Variants in G2E3 observed in about 807,000 individuals in gnomAD.
G2E3 encodes G2/M phase-specific E3 ubiquitin-protein ligase.
Under a neutral mutation model 92.8 loss-of-function variants are expected in G2E3, and 35 were observed. The ratio of observed to expected loss-of-function variants is 0.38; its 90% CI spans 0.29 to 0.50. G2E3 has a LOEUF of 0.50. Ranked by LOEUF, G2E3 falls within the 20% of genes least tolerant of loss-of-function variation. The pLI, the probability that G2E3 is intolerant of heterozygous loss-of-function variation, is 0.94. For missense variants in G2E3, 554 were observed against 823.8 expected, an observed-to-expected ratio of 0.67 and a Z score of 4.01; for synonymous variants, 242 against 272.4, an observed-to-expected ratio of 0.89 and a Z score of 1.10.
At chr14:30,616,054 A>G (rs1310085295) in intron 14 of G2E3, among the ~76,000 whole-genome samples, 1 of 152,176 alleles carries the variant, frequency 6.6e-6, no homozygotes, top group Non-Finnish European at 1.5e-5. Context: ...TACAATAAGT[A>G]GTTGTACTAA....
chr14:30,617,526 C>A lies in G2E3; in HGVS notation c.*992C>A, dbSNP rs1479653318. ...TGGCCATTTGACCATTATTTATTAT[C>A]AAGTTGGTTGTATGCTAAGGTAAGT... On this transcript the variant is annotated 3_prime_UTR_variant, in exon 15 of 15. Transcript: ENST00000206595. 1 of 151,838 alleles carries A rather than the reference C, an allele frequency of 6.6e-6. No homozygotes were observed. Among genetic ancestry groups the A allele is most frequent in the East Asian group, 1.9e-4 (1 of 5,194 alleles). 9.4% of individuals were successfully genotyped at this position (151,838 alleles called of 1,614,324 possible).
At chr14:30,608,907 G>A (rs953019436) in intron 12 of G2E3, among the ~76,000 whole-genome samples, 13 of 152,094 alleles carry the variant, frequency 8.5e-5, no homozygotes, top group South Asian at 2.1e-4. Flanking sequence ...ATTTGAATCC[G>A]GCAGATGGAG....
Position 30,597,397 on chromosome 14 carries a change from A to G in G2E3, c.529-23A>G, listed in dbSNP as rs537342148. 994 of 1,122,222 alleles carry G rather than the reference A, an allele frequency of 8.9e-4. 14 individuals carry two copies. In the South Asian group the frequency reaches 0.012, roughly 14 times the overall value. The allele number at this position is 1,122,222 out of a possible 1,614,324, so 69.5% of individuals were successfully genotyped here. ...ATAACAGATTTAAATCATTAACAGT[A>G]GACTTTTTATTTTCCACTGTAGGTT... On this transcript the variant is annotated intron_variant, in intron 6 of 14. Transcript: ENST00000206595.
intron 2 of G2E3, among the ~76,000 whole-genome samples, chr14:30,585,179 C>T (rs961336135): frequency 6.6e-6 from 1 of 152,036 alleles, no homozygotes; most frequent in Non-Finnish European, 1.5e-5. Context: ...TAATGAAGTC[C>T]AATTATCATT....
chr14:30,589,901 A>T (rs1213365114), intron 4 of G2E3, among the ~76,000 whole-genome samples: 1 of 152,046 alleles, frequency 6.6e-6, no homozygotes, highest in Non-Finnish European at 1.5e-5. Flanking sequence ...TGTTGGGTTG[A>T]GTTAGAAATT....
chr14:30,562,353 G>A (rs1473083817), intron 1 of G2E3, among the ~76,000 whole-genome samples: 2 of 151,574 alleles, frequency 1.3e-5, no homozygotes, highest in East Asian at 1.9e-4. Flanking sequence ...AATAATCCTC[G>A]CTCTACAATC....
In G2E3 at chr14:30,619,023, G is replaced by C. The variant is rs1882443973; in HGVS notation, c.*2489G>C. The C allele has an allele frequency of 6.6e-6, 1 of 151,942 alleles. No homozygotes were observed. The highest frequency in any genetic ancestry group is 2.4e-5 in the African/African-American group (1 of 41,402). 9.4% of individuals were successfully genotyped at this position (151,942 alleles called of 1,614,324 possible). The stretch of plus-strand genomic sequence containing the variant: ...GATCTATAATGCATCTACTGTTAAT[G>C]GTTTTGGTTAGTTTGATATTCATTG... On this transcript the variant is annotated 3_prime_UTR_variant, in exon 15 of 15. Coordinates refer to ENST00000206595, the MANE Select transcript of G2E3 (RefSeq NM_017769.5).
chr14:30,580,172 T>TA (rs1194086149), intron 1 of G2E3, among the ~76,000 whole-genome samples: 1 of 152,056 alleles, frequency 6.6e-6, no homozygotes, highest in African/African-American at 2.4e-5. Flanking sequence ...CAGCCACAAA[T>TA]ACGGTATAGA....
In G2E3 at chr14:30,589,476, T is replaced by A; in HGVS notation, c.229T>A (p.Ser77Thr). ...TATCAGGAAGGAAGTGAATAGAGCTTCTAAACTGGTAAGTAAATTATTTTA... is the reference window on the plus strand; with the variant it reads ...TATCAGGAAGGAAGTGAATAGAGCTACTAAACTGGTAAGTAAATTATTTTA... ...EDIRKEVNRA[S>T]KLKCCVCKKN... is the part of the protein sequence containing the mutation. The change falls in exon 4 of 15, where the codon TCT (serine) becomes ACT (threonine). Residue 77 changes from serine (S) to threonine (T), a missense_variant. Transcript: ENST00000206595. 1 of 1,459,182 alleles carries A rather than the reference T, an allele frequency of 6.9e-7. No homozygotes were observed. Among genetic ancestry groups the A allele is most frequent in the Non-Finnish European group, 9.6e-7 (1 of 1,043,314 alleles). 90.4% of individuals were successfully genotyped at this position (1,459,182 alleles called of 1,614,324 possible). A position where few individuals can be genotyped will look rare whatever the true frequency, so the allele number is the denominator to read the frequency against.
chr14:30,613,877 T>G (rs2138918910), intron 13 of G2E3, among the ~76,000 whole-genome samples: 1 of 152,268 alleles, frequency 6.6e-6, no homozygotes, highest in Admixed American at 6.5e-5. Flanking sequence ...TCATGTGATT[T>G]ATTCCACATT....
intron 1 of G2E3, chr14:30,560,795 A>G (rs1879050437): frequency 1.4e-6 from 1 of 702,152 alleles, no homozygotes; most frequent in Non-Finnish European, 2.6e-6. Flanking sequence ...ATTCTGAATC[A>G]GTAGGTCTGG....
Position 30,616,771 on chromosome 14 carries a change from C to G in G2E3, c.*237C>G. 5.9e-6 allele frequency: 2 copies of G among 339,576 alleles called. No individual in the cohort carries two copies. The highest frequency in any genetic ancestry group is 1.1e-5 in the Non-Finnish European group (2 of 188,532). 21.0% of individuals were successfully genotyped at this position (339,576 alleles called of 1,614,324 possible). On this transcript the variant is annotated 3_prime_UTR_variant, in exon 15 of 15. Coordinates refer to ENST00000206595, the MANE Select transcript of G2E3 (RefSeq NM_017769.5). ...TCTCATTTTCTTGATATAGATACTT[C>G]ATAAACCTCAATATAAATACTCTCA...
chr14:30,603,283 G>T (rs1158438076), intron 10 of G2E3, among the ~76,000 whole-genome samples: 2 of 147,388 alleles, frequency 1.4e-5, no homozygotes, highest in African/African-American at 2.5e-5. Flanking sequence ...CCAAGGTCGC[G>T]CCACTGTACT....
intron 6 of G2E3, among the ~76,000 whole-genome samples, chr14:30,594,337 ATTGT>A (rs1227054053): frequency 6.6e-6 from 1 of 152,190 alleles, no homozygotes; most frequent in African/African-American, 2.4e-5. Flanking sequence ...AAAGTTTATT[ATTGT>A]TTATTAAAAT....
At chr14:30,599,066 C>T (rs893875310) in intron 8 of G2E3, among the ~76,000 whole-genome samples, 3 of 152,144 alleles carry the variant, frequency 2.0e-5, no homozygotes, top group Non-Finnish European at 2.9e-5. Context: ...TGAGGCCTCC[C>T]TCCTTGGCTT....
At chr14:30,573,432 CGTGTGTGT>C (rs374202437) in intron 1 of G2E3, 35,621 of 144,244 alleles carry the variant, frequency 0.25, 4,535 homozygotes, top group East Asian at 0.48. Context: ...TGTGTGTGTG[CGTGTGTGT>C]GTGTCTCTGT....
intron 11 of G2E3, among the ~76,000 whole-genome samples, chr14:30,607,383 A>G (rs551866442): frequency 2.6e-5 from 4 of 152,284 alleles, no homozygotes; most frequent in Middle Eastern, 3.4e-3. Context: ...CCAAGGCTCT[A>G]TGGTAAAGCC....
At chr14:30,582,164 A>AT (rs1880469945) in intron 2 of G2E3, among the ~76,000 whole-genome samples, 1 of 152,160 alleles carries the variant, frequency 6.6e-6, no homozygotes, top group Non-Finnish European at 1.5e-5. Flanking sequence ...CACATCTACT[A>AT]TTGATACTTT....
At chr14:30,602,307 A>G (rs762167810) in intron 10 of G2E3, among the ~76,000 whole-genome samples, 176 bp downstream of exon 10, 6 of 152,022 alleles carry the variant, frequency 3.9e-5, no homozygotes, top group Non-Finnish European at 8.8e-5. Context: ...TTTAAAGAAA[A>G]TGAAATGGGA....
Sources: gnomAD v4.1 joint callset for allele counts (sites outside exome capture counted in the v4.1 genomes callset) on GRCh38, gnomAD v4.1.1 for gene constraint, MANE v1.5 for transcripts, NCBI Gene and HGNC (gene_info 2026-07-23, HGNC 2026-07-21) for gene names.